The following DECR1 variants were observed in gnomAD, a reference collection of about 807,000 sequenced individuals.
DECR1 encodes 2,4-dienoyl-CoA reductase [(3E)-enoyl-CoA-producing], mitochondrial.
DECR1 carries 44 observed loss-of-function variants against 38.8 expected under a neutral mutation model. The ratio of observed to expected loss-of-function variants is 1.13; its 90% CI spans 0.89 to 1.46. The LOEUF (loss-of-function observed/expected upper bound fraction) is 1.46, where lower values mean the gene tolerates loss of function less well. DECR1 is among the 40% of genes most tolerant of loss of function. DECR1 has a pLI of 0.00. For synonymous variants in DECR1, 148 were observed against 135.2 expected (o/e 1.09, Z -0.66); for missense variants, 428 against 405.5 (o/e 1.06, Z -0.48).
chr8:90,025,253 G>C (rs1412079027), intron 5 of DECR1, among the ~76,000 whole-genome samples: 1 of 152,096 alleles, frequency 6.6e-6, no homozygotes, highest in Non-Finnish European at 1.5e-5. Flanking sequence ...TTCCAATTCT[G>C]TGAAGAAAGT....
chr8:90,027,717 C>T (rs140884616), intron 5 of DECR1, among the ~76,000 whole-genome samples: 10,383 of 151,702 alleles, frequency 0.068, 1,084 homozygotes, highest in African/African-American at 0.22. Flanking sequence ...AGCCCATTTA[C>T]ATTTAAGATT....
In DECR1 at chr8:90,036,933, A is replaced by G. The variant is rs780084201; in HGVS notation, c.658A>G (p.Met220Val). 6.2e-6 allele frequency: 10 copies of G among 1,611,574 alleles called. No individual in the cohort carries two copies. Among genetic ancestry groups the G allele is most frequent in the Admixed American group, 5.0e-5 (3 of 59,880 alleles). ...SASAKAGVEAMSKSLAAEWGK... is the reference protein window; with the variant it reads ...SASAKAGVEAVSKSLAAEWGK... ...TTCTGCCAAAGCAGGTGTGGAAGCC[A>G]TGAGCAAGTAAGTACTTCCTTGTCA... Residue 220 changes from methionine (M) to valine (V), a missense_variant, in exon 6 of 10, where the codon ATG becomes GTG. Met to Val is a conservative substitution (Grantham distance 21). Coordinates refer to ENST00000220764, the MANE Select transcript of DECR1 (RefSeq NM_001359.2).
In DECR1 at chr8:90,037,146, G is replaced by A. The variant is rs1813637362; in HGVS notation, c.665+206G>A. ...TGGAACTTTCTGCAGTGATGTAAAT[G>A]TTCTGTAAATATGCACTATCCAGTA... On this transcript the variant is annotated intron_variant, in intron 6 of 9. Transcript: ENST00000220764. The A allele has an allele frequency of 2.0e-5, 10 of 511,480 alleles. No individual in the cohort carries two copies. In the South Asian group the frequency reaches 3.1e-4, roughly 16 times the overall value. The allele number at this position is 511,480 out of a possible 1,614,324, so 31.7% of individuals were successfully genotyped here.
At chr8:90,042,932 C>T in intron 7 of DECR1, 132 bp downstream of exon 7, 3 of 717,750 alleles carry the variant, frequency 4.2e-6, no homozygotes, top group East Asian at 2.6e-5. Flanking sequence ...AGGGAAGAGG[C>T]CTTTGCCTTT....
chr8:90,018,913 A>G lies in DECR1; in HGVS notation c.277A>G (p.Met93Val), dbSNP rs374362672. ...ATACAAGGTGTTTATTTCTAGGAAG[A>G]TGGATGTTTTGAAAGCTACCGCAGA... ...GAQCVIASRK[M>V]DVLKATAEQI... is the part of the protein sequence containing the mutation. Residue 93 changes from methionine (M) to valine (V), a missense_variant, in exon 3 of 10, where the codon ATG (methionine) becomes GTG (valine). Coordinates refer to ENST00000220764, the MANE Select transcript of DECR1 (RefSeq NM_001359.2). The G allele has an allele frequency of 6.9e-6, 11 of 1,588,842 alleles. No individual in the cohort carries two copies. The African/African-American group carries it at 1.5e-4, about 21-fold the overall frequency.
rs527373968 is a variant in DECR1 at position 90,027,041 on chromosome 8, T to A, written c.565+5985T>A. Among the ~76,000 whole-genome samples, 11 of 152,352 alleles carry A rather than the reference T, an allele frequency of 7.2e-5. 1 individual carries two copies. Among genetic ancestry groups the A allele is most frequent in the Admixed American group, 7.2e-4 (11 of 15,306 alleles). ...ATGTAGTTGAGCGGTTTTGAGTGAGTTTCTTAAACCTGAGTTGTCGTTTGA... is the reference window on the plus strand; with the variant it reads ...ATGTAGTTGAGCGGTTTTGAGTGAGATTCTTAAACCTGAGTTGTCGTTTGA... On this transcript the variant is annotated intron_variant, in intron 5 of 9. Coordinates refer to ENST00000220764, the MANE Select transcript of DECR1 (RefSeq NM_001359.2).
At chr8:90,044,460 A>G (rs1411720224) in intron 7 of DECR1, among the ~76,000 whole-genome samples, 1 of 152,196 alleles carries the variant, frequency 6.6e-6, no homozygotes, top group Non-Finnish European at 1.5e-5. Flanking sequence ...GATGAAAGAA[A>G]AGGAATTTCC....
intron 1 of DECR1, among the ~76,000 whole-genome samples, chr8:90,010,009 G>C (rs1423607277): frequency 6.6e-6 from 1 of 152,160 alleles, no homozygotes; most frequent in Non-Finnish European, 1.5e-5. Flanking sequence ...TTTCTGTCTT[G>C]CTCCTGGCAA....
At chr8:90,032,756 A>G (rs1256912840) in intron 5 of DECR1, among the ~76,000 whole-genome samples, 2 of 152,126 alleles carry the variant, frequency 1.3e-5, no homozygotes, top group Non-Finnish European at 2.9e-5. Flanking sequence ...GCCCTGACCT[A>G]CCGGCCGTTC....
intron 1 of DECR1, among the ~76,000 whole-genome samples, chr8:90,011,557 A>G (rs1812883468): frequency 6.6e-6 from 1 of 152,198 alleles, no homozygotes; most frequent in South Asian, 2.1e-4. Flanking sequence ...TCCTCTTAAC[A>G]AAATTAAGCT....
chr8:90,038,454 C>CTT (rs759045189), intron 6 of DECR1, among the ~76,000 whole-genome samples: 1,861 of 111,640 alleles, frequency 0.017, 34 homozygotes, highest in Middle Eastern at 0.036. Flanking sequence ...CATCGCGGGC[C>CTT]TTTTTTTTTT....
intron 1 of DECR1, among the ~76,000 whole-genome samples, chr8:90,013,045 C>T (rs141913148): frequency 3.3e-5 from 5 of 152,280 alleles, no homozygotes; most frequent in Non-Finnish European, 7.4e-5. Context: ...AGTATTAATA[C>T]GTTGGCACCA....
chr8:90,012,532 T>A (rs369455602), intron 1 of DECR1, among the ~76,000 whole-genome samples: 37 of 152,334 alleles, frequency 2.4e-4, no homozygotes, highest in Non-Finnish European at 3.1e-4. Flanking sequence ...AATGACTAAT[T>A]TTTTAAAACA....
At chr8:90,033,839 G>A (rs1450681240) in intron 5 of DECR1, among the ~76,000 whole-genome samples, 1 of 152,150 alleles carries the variant, frequency 6.6e-6, no homozygotes, top group African/African-American at 2.4e-5. Flanking sequence ...GAAAGATAGT[G>A]CACTTTCCAT....
At position 90,053,268 on chromosome 8, in the gene DECR1, C is replaced by T. The variant is rs1011761532; in HGVS notation, c.*1371C>T. ...ATAAAAGAAAGAGGTTTCATTGACT[C>T]ATAGTTCAGCATGGCTAGGGAGGCC... On this transcript the variant is annotated 3_prime_UTR_variant, in exon 10 of 10. Coordinates refer to ENST00000220764, the MANE Select transcript of DECR1 (RefSeq NM_001359.2). 3.3e-5 allele frequency among the ~76,000 whole-genome samples: 5 copies of T among 152,290 alleles called. No homozygotes were observed. The highest frequency in any genetic ancestry group is 1.2e-4 in the African/African-American group (5 of 41,560).
intron 5 of DECR1, among the ~76,000 whole-genome samples, chr8:90,030,032 G>A (rs1482873470): frequency 1.3e-5 from 2 of 152,114 alleles, no homozygotes; most frequent in Non-Finnish European, 2.9e-5. Flanking sequence ...ACAGACCAGG[G>A]GAAGGTGCAG....
In DECR1 at chr8:90,043,757, A is replaced by G. The variant is rs75639336; in HGVS notation, c.738+957A>G. 3.9e-3 allele frequency among the ~76,000 whole-genome samples: 597 copies of G among 152,346 alleles called. 18 individuals carry two copies. In the East Asian group the frequency reaches 0.061, roughly 16 times the overall value. On this transcript the variant is annotated intron_variant, in intron 7 of 9. Transcript: ENST00000220764. The stretch of plus-strand genomic sequence containing the variant: ...TATCTTATTTATCTGACAATTCAAT[A>G]CTAAACAGTCTAATAAAATTAGTGG...
intron 7 of DECR1, among the ~76,000 whole-genome samples, chr8:90,043,532 G>A (rs754936612): frequency 6.6e-6 from 1 of 152,150 alleles, no homozygotes; most frequent in Non-Finnish European, 1.5e-5. Flanking sequence ...CCAACCAGAT[G>A]TAATGTTGAA....
At position 90,045,490 on chromosome 8, in the gene DECR1, C is replaced by T. The variant is rs1023969705; in HGVS notation, c.885+495C>T. 2.8e-4 allele frequency among the ~76,000 whole-genome samples: 42 copies of T among 152,254 alleles called. 1 individual carries two copies. Among genetic ancestry groups the T allele is most frequent in the Non-Finnish European group, 4.3e-4 (29 of 68,016 alleles). On this transcript the variant is annotated intron_variant, in intron 8 of 9. Transcript: ENST00000220764. ...GCAGTGAGACTGGGGGAGGGGTGTC[C>T]GCCAGTGCTGGGGCTTGAGTAGGTA...
Sources: allele counts gnomAD v4.1 joint callset (sites outside exome capture counted in the v4.1 genomes callset), GRCh38; gene constraint gnomAD v4.1.1; transcripts MANE v1.5; gene names NCBI Gene and HGNC (gene_info 2026-07-23, HGNC 2026-07-21).